The following SLC5A12 variants were observed in gnomAD, a reference collection of about 807,000 sequenced individuals.
SLC5A12 encodes sodium-coupled monocarboxylate transporter 2.
Under a neutral mutation model 72.7 loss-of-function variants are expected in SLC5A12, and 46 were observed. The ratio of observed to expected loss-of-function variants is 0.63; its 90% CI spans 0.50 to 0.81. SLC5A12 has a LOEUF of 0.81. Among genes scored for constraint, SLC5A12 ranks in the 30% least tolerant of loss-of-function variants. SLC5A12 has a pLI of 0.00. For missense variants in SLC5A12, 683 were observed against 740.7 expected (o/e 0.92, Z 0.90); for synonymous variants, 275 against 264.4 (o/e 1.04, Z -0.39).
chr11:26,714,184 T>C (rs1855295980), intron 1 of SLC5A12, among the ~76,000 whole-genome samples: 1 of 152,170 alleles, frequency 6.6e-6, no homozygotes, highest in Non-Finnish European at 1.5e-5. Flanking sequence ...GGTATGCTGT[T>C]TTCAGCCTAC....
intron 14 of SLC5A12, among the ~76,000 whole-genome samples, chr11:26,672,034 C>T (rs1854155357): frequency 6.6e-6 from 1 of 152,128 alleles, no homozygotes; most frequent in Admixed American, 6.6e-5. Context: ...CCTCACCTGG[C>T]TATGTTTTCC....
intron 9 of SLC5A12, among the ~76,000 whole-genome samples, chr11:26,689,427 G>T (rs1224973900): frequency 2.0e-5 from 3 of 152,034 alleles, no homozygotes; most frequent in African/African-American, 7.2e-5. Flanking sequence ...AAGTGCAATG[G>T]TGTGATCCCA....
Position 26,721,920 on chromosome 11 carries a change from A to G in SLC5A12, c.-206T>C, listed in dbSNP as rs374943422. On this transcript the variant is annotated 5_prime_UTR_variant, in exon 1 of 15. Transcript: ENST00000396005. ...TCTCAAAAGTTGACTTCAAAGAAGA[A>G]TCTGGTGGTGGTATTGGCACCAAGA... 1.6e-5 allele frequency: 9 copies of G among 563,642 alleles called. No individual in the cohort carries two copies. The highest frequency in any genetic ancestry group is 6.7e-5 in the Admixed American group (2 of 30,028). The allele number at this position is 563,642 out of a possible 1,614,324, so 34.9% of individuals were successfully genotyped here.
intron 8 of SLC5A12, among the ~76,000 whole-genome samples, chr11:26,694,227 T>C (rs1854754060): frequency 6.6e-6 from 1 of 152,184 alleles, no homozygotes; most frequent in African/African-American, 2.4e-5. Flanking sequence ...TCCCTACTCC[T>C]GTCTTTTCCT....
At chr11:26,709,464 T>A (rs1305280141) in intron 3 of SLC5A12, 85 bp from the exon 4 acceptor site, 1 of 1,000,650 alleles carries the variant, frequency 1.0e-6, no homozygotes, top group Non-Finnish European at 1.5e-6. Flanking sequence ...ACACAATATT[T>A]TTATCAGTGT....
intron 2 of SLC5A12, among the ~76,000 whole-genome samples, chr11:26,711,901 T>C (rs1855238547): frequency 6.6e-6 from 1 of 152,108 alleles, no homozygotes. Flanking sequence ...CTGCTGGAAA[T>C]AGGTCCAGTT....
rs188721949 is a variant in SLC5A12, at chr11:26,706,959, A to T, written c.525+2353T>A. On this transcript the variant is annotated intron_variant, in intron 4 of 14. Coordinates refer to ENST00000396005, the MANE Select transcript of SLC5A12 (RefSeq NM_178498.4). ...TGTTTACTATTTTATTTTCTTATCA[A>T]TTTTTCTGTTTAAAACTGTCATATT... Among the ~76,000 whole-genome samples, 635 of 151,630 alleles carry T rather than the reference A, an allele frequency of 4.2e-3. 7 individuals are homozygous for T. The highest frequency in any genetic ancestry group is 0.014 in the African/African-American group (600 of 41,428).
chr11:26,676,044 C>T (rs1854258679), intron 13 of SLC5A12, among the ~76,000 whole-genome samples: 1 of 151,792 alleles, frequency 6.6e-6, no homozygotes, highest in African/African-American at 2.4e-5. Flanking sequence ...AGGTAGATTA[C>T]ACACAAGAAT....
chr11:26,676,359 CAA>C (rs57064388), intron 13 of SLC5A12, among the ~76,000 whole-genome samples: 4 of 108,898 alleles, frequency 3.7e-5, no homozygotes, highest in Non-Finnish European at 4.0e-5. Flanking sequence ...TTCTAGAAAA[CAA>C]AAAAAAAAAA....
At position 26,671,251 on chromosome 11, in the gene SLC5A12, C is replaced by T. The variant is rs1325514001; in HGVS notation, c.1708G>A (p.Glu570Lys). ...GVQHDSGTEQ[E>K]NLENGSARKQ... ...CGGGCACTGCCATTCTCAAGGTTTT[C>T]CTGAGGGAAATACAAAGACACATAT... is the stretch of plus-strand genomic sequence containing the variant. The change falls in exon 15 of 15, where the codon GAA becomes AAA. Residue 570 changes from glutamate to lysine, a missense_variant and splice_region_variant. Physicochemically the swap from Glu to Lys is moderately conservative, Grantham distance 56. Transcript: ENST00000396005. 1 of 1,592,362 alleles carries T rather than the reference C, an allele frequency of 6.3e-7. No individual in the cohort carries two copies. Among genetic ancestry groups the T allele is most frequent in the Admixed American group, 1.8e-5 (1 of 56,856 alleles).
intron 13 of SLC5A12, among the ~76,000 whole-genome samples, chr11:26,677,199 T>C (rs1421159994): frequency 6.6e-6 from 1 of 152,182 alleles, no homozygotes; most frequent in Non-Finnish European, 1.5e-5. Context: ...TAGACTTTGT[T>C]AGAGTGTTCG....
Position 26,709,395 on chromosome 11 carries a change from A to G in SLC5A12, c.458-16T>C, listed in dbSNP as rs773628401. 2 of 1,590,754 alleles carry G rather than the reference A, an allele frequency of 1.3e-6. No individual in the cohort carries two copies. The highest frequency in any genetic ancestry group is 1.7e-6 in the Non-Finnish European group (2 of 1,166,326). ...AACCCAGTCACTAGGAAAGAAGAAA[A>G]AAATATTAAAAGAAGTTTCCTTCAA... On this transcript the variant is annotated splice_polypyrimidine_tract_variant and intron_variant, in intron 3 of 14. Coordinates refer to ENST00000396005, the MANE Select transcript of SLC5A12 (RefSeq NM_178498.4).
At chr11:26,686,618 TCA>T in intron 9 of SLC5A12, 74 bp from the exon 10 acceptor site, 1 of 1,311,970 alleles carries the variant, frequency 7.6e-7, no homozygotes, top group Non-Finnish European at 1.1e-6. Context: ...GAGCCCCCAC[TCA>T]GAACTGTCTC....
Position 26,721,508 on chromosome 11 carries a change from C to A in SLC5A12, c.207G>T (p.Gly69=), listed in dbSNP as rs185325763. 193 of 1,614,036 alleles carry A rather than the reference C, an allele frequency of 1.2e-4. No homozygotes were observed. In the East Asian group the frequency reaches 3.4e-3, roughly 29 times the overall value. ...ASFMSAVTVL[G]TPSEVYRFGA... ...CAAAGCGGTAGACTTCAGAAGGGGT[C>A]CCCAGGACCGTGACAGCTGACATGA... The change falls in exon 1 of 15, where the codon GGG becomes GGT. Residue 69 remains glycine (G), a synonymous_variant. Transcript: ENST00000396005.
rs1245832083 is a variant in SLC5A12, at chr11:26,668,476, T to C, written c.*2626A>G. 1 of 152,130 alleles carries C rather than the reference T, an allele frequency of 6.6e-6. No homozygotes were observed. Among genetic ancestry groups the C allele is most frequent in the East Asian group, 1.9e-4 (1 of 5,192 alleles). The allele number at this position is 152,130 out of a possible 1,614,324, so 9.4% of individuals were successfully genotyped here. On this transcript the variant is annotated 3_prime_UTR_variant, in exon 15 of 15. Coordinates refer to ENST00000396005, the MANE Select transcript of SLC5A12 (RefSeq NM_178498.4). ...GGAACTTGTCACTGAACTGTCTTTG[T>C]ACTGCACCAGTGGCCTTGGCATGAC...
intron 10 of SLC5A12, among the ~76,000 whole-genome samples, 168 bp downstream of exon 10, chr11:26,686,309 T>TTC (rs1854532424): frequency 4.6e-5 from 7 of 152,318 alleles, no homozygotes; most frequent in South Asian, 4.1e-4. Context: ...AGTTCTTTTT[T>TTC]TGTGCTGACT....
At chr11:26,690,101 C>T (rs1371133784) in intron 9 of SLC5A12, among the ~76,000 whole-genome samples, 1 of 152,116 alleles carries the variant, frequency 6.6e-6, no homozygotes, top group Admixed American at 6.5e-5. Context: ...AGGTGGAAGG[C>T]TTACAAAGAT....
chr11:26,698,063 A>G (rs568787431), intron 7 of SLC5A12, among the ~76,000 whole-genome samples: 1 of 151,894 alleles, frequency 6.6e-6, no homozygotes, highest in South Asian at 2.1e-4. Context: ...TTGCCTGGCT[A>G]ATTTTTGTAC....
chr11:26,673,314 A>C lies in SLC5A12; in HGVS notation c.1707+88T>G. 3 of 1,319,866 alleles carry C rather than the reference A, an allele frequency of 2.3e-6. No individual in the cohort carries two copies. In the Middle Eastern group the frequency reaches 5.9e-4, roughly 261 times the overall value. 81.8% of individuals were successfully genotyped at this position (1,319,866 alleles called of 1,614,324 possible). On this transcript the variant is annotated intron_variant, in intron 14 of 14. Transcript: ENST00000396005. ...CTCACACTCACTGCTTTCCCTTTCC[A>C]GTGCATCTTTGCAGCCGGTTTAAAT...
Sources: gnomAD v4.1 joint callset for allele counts (sites outside exome capture counted in the v4.1 genomes callset) on GRCh38, gnomAD v4.1.1 for gene constraint, MANE v1.5 for transcripts, NCBI Gene and HGNC (gene_info 2026-07-23, HGNC 2026-07-21) for gene names.